The following GORASP2 variants were observed in gnomAD, a reference collection of about 807,000 sequenced individuals.
The protein encoded by GORASP2 is golgi reassembly stacking protein 2, also known as Golgi reassembly-stacking protein 2.
GORASP2 carries 22 observed loss-of-function variants against 45.7 expected under a neutral mutation model. The ratio of observed to expected loss-of-function variants is 0.48; its 90% CI spans 0.34 to 0.69. The LOEUF (loss-of-function observed/expected upper bound fraction) is 0.69, where lower values mean the gene tolerates loss of function less well. GORASP2 is among the 30% of genes least tolerant of loss of function. The pLI, the probability that GORASP2 is intolerant of heterozygous loss-of-function variation, is 0.01. For missense variants in GORASP2, 491 were observed against 562.7 expected (o/e 0.87, Z 1.29); for synonymous variants, 221 against 215.6 (o/e 1.02, Z -0.22).
At chr2:170,943,965 C>T (rs552277169) in intron 1 of GORASP2, among the ~76,000 whole-genome samples, 5 of 152,256 alleles carry the variant, frequency 3.3e-5, no homozygotes, top group Admixed American at 6.5e-5. Flanking sequence ...TGTGAGCCAC[C>T]GTGCCTGGCC....
chr2:170,956,089 C>T (rs1469655139), intron 6 of GORASP2, among the ~76,000 whole-genome samples: 1 of 152,170 alleles, frequency 6.6e-6, no homozygotes, highest in Non-Finnish European at 1.5e-5. Context: ...TTCAGGAAAG[C>T]AGTGGTGGTT....
chr2:170,944,216 C>A (rs1704135199), intron 1 of GORASP2, among the ~76,000 whole-genome samples: 1 of 152,120 alleles, frequency 6.6e-6, no homozygotes, highest in African/African-American at 2.4e-5. Flanking sequence ...GATAACATTG[C>A]AAGAGAAACT....
chr2:170,966,337 C>T lies in GORASP2; in HGVS notation c.*207C>T. The T allele has an allele frequency of 1.7e-6, 1 of 581,820 alleles. No individual in the cohort carries two copies. The highest frequency in any genetic ancestry group is 2.1e-5 in the South Asian group (1 of 48,692). The allele number at this position is 581,820 out of a possible 1,614,324, so 36.0% of individuals were successfully genotyped here. On this transcript the variant is annotated 3_prime_UTR_variant, in exon 10 of 10. Transcript: ENST00000234160. ...CGCTAGGGTGAGATGTCAGAAAGCG[C>T]TTGTATTTTAAACAACCAAAAAGAA...
At chr2:170,952,094 G>A (rs1042937171) in intron 5 of GORASP2, among the ~76,000 whole-genome samples, 1 of 152,184 alleles carries the variant, frequency 6.6e-6, no homozygotes, top group African/African-American at 2.4e-5. Context: ...CATTTGCAGA[G>A]AAGCTGCTAT....
At chr2:170,964,215 A>G in intron 9 of GORASP2, among the ~76,000 whole-genome samples, 1 of 152,214 alleles carries the variant, frequency 6.6e-6, no homozygotes, top group East Asian at 1.9e-4. Flanking sequence ...TAGGCCCGTC[A>G]GTGATGTCAG....
chr2:170,954,698 C>T lies in GORASP2; in HGVS notation c.615C>T (p.Arg205=), dbSNP rs762385788. Residue 205 remains arginine, a synonymous_variant, in exon 6 of 10, where the codon CGC becomes CGT. Coordinates refer to ENST00000234160, the MANE Select transcript of GORASP2 (RefSeq NM_015530.5). Reference sequence around the variant, plus strand: ...GTTATTTGCATCGAATACCTACACGCCCATTTGAGGAAGGAAAGAAAATTT... The same window carrying T: ...GTTATTTGCATCGAATACCTACACGTCCATTTGAGGAAGGAAAGAAAATTT... The part of the protein sequence containing the change: ...GYGYLHRIPT[R]PFEEGKKISL... The T allele has an allele frequency of 1.9e-6, 3 of 1,612,766 alleles. No homozygotes were observed. In the South Asian group the frequency reaches 3.3e-5, roughly 18 times the overall value.
intron 4 of GORASP2, among the ~76,000 whole-genome samples, 162 bp from the exon 5 acceptor site, chr2:170,951,166 A>ACT (rs1704291130): frequency 1.3e-5 from 2 of 152,116 alleles, no homozygotes; most frequent in African/African-American, 4.8e-5. Flanking sequence ...TGCTTGAATT[A>ACT]ATATATTGAA....
intron 5 of GORASP2, among the ~76,000 whole-genome samples, chr2:170,951,806 C>T (rs904362949): frequency 6.6e-6 from 1 of 152,204 alleles, no homozygotes; most frequent in African/African-American, 2.4e-5. Context: ...AAAAGGATAA[C>T]TTAGTTGCTG....
intron 7 of GORASP2, among the ~76,000 whole-genome samples, chr2:170,958,504 C>T (rs1019060588): frequency 1.1e-4 from 17 of 151,994 alleles, no homozygotes; most frequent in East Asian, 1.9e-4. Flanking sequence ...TATGATATTA[C>T]GATTTTTTGC....
intron 3 of GORASP2, 199 bp from the exon 4 acceptor site, chr2:170,950,005 T>C (rs1183912184): frequency 5.7e-6 from 3 of 522,632 alleles, no homozygotes; most frequent in Non-Finnish European, 1.0e-5. Flanking sequence ...CAAAAATATT[T>C]TAAATATTTG....
chr2:170,953,563 A>G (rs1704351320), intron 5 of GORASP2, among the ~76,000 whole-genome samples: 1 of 152,176 alleles, frequency 6.6e-6, no homozygotes. Context: ...GAACCTGATT[A>G]TGGAGAGCCT....
intron 1 of GORASP2, among the ~76,000 whole-genome samples, chr2:170,933,557 T>C (rs1417285379): frequency 1.3e-5 from 2 of 152,350 alleles, no homozygotes; most frequent in African/African-American, 2.4e-5. Context: ...ATTTGAGTGC[T>C]CAGGAAAATA....
chr2:170,929,745 C>G, intron 1 of GORASP2: 1 of 528,954 alleles, frequency 1.9e-6, no homozygotes, highest in Non-Finnish European at 3.7e-6. Flanking sequence ...TTTTAGCTTC[C>G]AAAGTTAGGA....
In GORASP2 at chr2:170,949,610, T is replaced by C. The variant is rs1219669957; in HGVS notation, c.216T>C (p.Tyr72=). The C allele has an allele frequency of 2.5e-6, 4 of 1,613,732 alleles. No individual in the cohort carries two copies. The highest frequency in any genetic ancestry group is 1.7e-5 in the Admixed American group (1 of 59,996). ...NVEKPVKMLI[Y]SSKTLELRET... ...AAAAGCCTGTAAAGATGCTTATCTA[T>C]AGCAGCAAAACATTGGAACTGCGAG... is the stretch of plus-strand genomic sequence containing the variant. Residue 72 remains tyrosine, a synonymous_variant, in exon 3 of 10, where the codon TAT becomes TAC. Transcript: ENST00000234160.
chr2:170,959,795 AT>A (rs1170492915), intron 7 of GORASP2, among the ~76,000 whole-genome samples: 1 of 140,452 alleles, frequency 7.1e-6, no homozygotes, highest in Non-Finnish European at 1.6e-5. Flanking sequence ...GACCTGCTTG[AT>A]TTTTCTGCAG....
intron 1 of GORASP2, among the ~76,000 whole-genome samples, chr2:170,931,903 A>G (rs1461207806): frequency 6.6e-6 from 1 of 152,232 alleles, no homozygotes; most frequent in Non-Finnish European, 1.5e-5. Flanking sequence ...AGTTTTTTAC[A>G]TAGCCTTTCA....
intron 1 of GORASP2, among the ~76,000 whole-genome samples, chr2:170,943,392 C>A (rs1704119227): frequency 6.6e-6 from 1 of 152,146 alleles, no homozygotes; most frequent in Non-Finnish European, 1.5e-5. Context: ...ATGGTGATTG[C>A]AGAGTTAGGA....
intron 1 of GORASP2, among the ~76,000 whole-genome samples, chr2:170,945,612 A>G (rs1653557047): frequency 6.6e-6 from 1 of 152,230 alleles, no homozygotes; most frequent in Non-Finnish European, 1.5e-5. Context: ...GCAGGGAAAC[A>G]TAAAAAACAT....
intron 8 of GORASP2, 129 bp from the exon 9 acceptor site, chr2:170,962,710 C>T (rs1704591410): frequency 1.5e-6 from 1 of 656,072 alleles, no homozygotes. Context: ...TGATACACAG[C>T]TGCCACACAT....
Sources: allele counts gnomAD v4.1 joint callset (sites outside exome capture counted in the v4.1 genomes callset), GRCh38; gene constraint gnomAD v4.1.1; transcripts MANE v1.5; gene names NCBI Gene and HGNC (gene_info 2026-07-23, HGNC 2026-07-21).